Variants in CDH8 observed in about 807,000 individuals in gnomAD.
CDH8 encodes cadherin-8.
A neutral mutation model predicts 68.1 loss-of-function variants in CDH8; 17 were observed. That is an observed-to-expected ratio of 0.25 (90% CI 0.17 to 0.37). CDH8 has a LOEUF of 0.37. Among genes scored for constraint, CDH8 ranks in the 10% least tolerant of loss-of-function variants. CDH8 has a pLI of 1.00. For synonymous variants in CDH8, 372 were observed against 365.1 expected, an observed-to-expected ratio of 1.02 and a Z score of -0.21; for missense variants, 763 against 999.3, an observed-to-expected ratio of 0.76 and a Z score of 3.19.
chr16:61,859,111 AT>A (rs1231539304), intron 3 of CDH8, among the ~76,000 whole-genome samples: 2 of 152,186 alleles, frequency 1.3e-5, no homozygotes, highest in Non-Finnish European at 2.9e-5. Context: ...TAAAATTGGA[AT>A]TTCTACTCAG....
At chr16:61,660,728 A>T (rs998657450) in intron 10 of CDH8, among the ~76,000 whole-genome samples, 1 of 152,116 alleles carries the variant, frequency 6.6e-6, no homozygotes, top group African/African-American at 2.4e-5. Flanking sequence ...CAAAAATTTC[A>T]TAGAAACAAT....
At chr16:61,846,983 A>G (rs143724714) in intron 4 of CDH8, among the ~76,000 whole-genome samples, 66 of 152,210 alleles carry the variant, frequency 4.3e-4, no homozygotes, top group Non-Finnish European at 5.1e-4. Context: ...TCCCATAGCT[A>G]CTGTTCCCTA....
At position 61,756,078 on chromosome 16, in the gene CDH8, A is replaced by G. The variant is rs992292993; in HGVS notation, c.1415-28863T>C. ...TCAAGTGATCCACCCACCCCAGCCA[A>G]CCAAAGTGCTCAGATTACAGGCATG... is the stretch of plus-strand genomic sequence containing the variant. On this transcript the variant is annotated intron_variant, in intron 8 of 11. Transcript: ENST00000577390. Among the ~76,000 whole-genome samples the G allele has an allele frequency of 3.3e-5, 5 of 152,212 alleles. No individual in the cohort carries two copies. The East Asian group carries it at 7.7e-4, about 24-fold the overall frequency.
At chr16:61,742,771 T>C (rs1959911662) in intron 8 of CDH8, among the ~76,000 whole-genome samples, 3 of 152,180 alleles carry the variant, frequency 2.0e-5, no homozygotes, top group Admixed American at 2.0e-4. Flanking sequence ...TCCTATCTTG[T>C]AAAATTCTCA....
At chr16:61,892,801 A>G (rs1176693997) in intron 3 of CDH8, among the ~76,000 whole-genome samples, 8 of 152,128 alleles carry the variant, frequency 5.3e-5, no homozygotes, top group African/African-American at 1.7e-4. Context: ...GAGGTAGCAA[A>G]TGGAGATAAG....
chr16:61,808,553 A>C (rs1272961641), intron 7 of CDH8, among the ~76,000 whole-genome samples: 3 of 152,182 alleles, frequency 2.0e-5, no homozygotes, highest in Non-Finnish European at 4.4e-5. Context: ...CATGAGTACT[A>C]AGATTCCAAG....
intron 10 of CDH8, among the ~76,000 whole-genome samples, chr16:61,662,087 G>GTTTTTTTTTTTTTTTTT: frequency 2.2e-5 from 2 of 92,790 alleles, no homozygotes; most frequent in African/African-American, 4.0e-5. Context: ...TTTTACTTTA[G>GTTTTTTTTTTTTTTTTT]TTTTTTTTTT....
chr16:61,896,271 T>C (rs1318609519), intron 3 of CDH8, among the ~76,000 whole-genome samples: 2 of 152,238 alleles, frequency 1.3e-5, no homozygotes. Context: ...AAGATATTTC[T>C]AAAATAATTT....
At chr16:62,026,277 T>G (rs1902196262) in intron 1 of CDH8, among the ~76,000 whole-genome samples, 1 of 152,232 alleles carries the variant, frequency 6.6e-6, no homozygotes, top group Non-Finnish European at 1.5e-5. Flanking sequence ...AATATTAACG[T>G]GCATCCAAAT....
intron 7 of CDH8, among the ~76,000 whole-genome samples, chr16:61,814,516 C>T (rs1016210915): frequency 1.3e-5 from 2 of 152,078 alleles, no homozygotes; most frequent in African/African-American, 4.8e-5. Flanking sequence ...GAAATTGAAC[C>T]GCGTGAGAAG....
chr16:61,904,224 A>G lies in CDH8; in HGVS notation c.253-2751T>C, dbSNP rs563520503. On this transcript the variant is annotated intron_variant, in intron 2 of 11. Coordinates refer to ENST00000577390, the MANE Select transcript of CDH8 (RefSeq NM_001796.5). ...CCAGCAATTTACAGAGAGCAACGTC[A>G]CCTGAGGCTGCAGGTCTGGCCCTCC... Among the ~76,000 whole-genome samples, 32 of 152,336 alleles carry G rather than the reference A, an allele frequency of 2.1e-4. No individual in the cohort carries two copies. The Middle Eastern group carries it at 0.017, about 81-fold the overall frequency.
At chr16:61,839,976 C>T (rs1962647975) in intron 4 of CDH8, among the ~76,000 whole-genome samples, 1 of 152,106 alleles carries the variant, frequency 6.6e-6, no homozygotes, top group South Asian at 2.1e-4. Context: ...TTTGCATCTA[C>T]CTTGCCTGCC....
chr16:61,982,003 T>A (rs1205546409), intron 2 of CDH8, among the ~76,000 whole-genome samples: 1 of 152,184 alleles, frequency 6.6e-6, no homozygotes, highest in Non-Finnish European at 1.5e-5. Flanking sequence ...CATTATTCTA[T>A]TTTTATTTGT....
chr16:61,889,484 G>A (rs942037724), intron 3 of CDH8, among the ~76,000 whole-genome samples: 3 of 152,248 alleles, frequency 2.0e-5, no homozygotes, highest in Admixed American at 6.5e-5. Context: ...CTGAGGAAGC[G>A]AGGCATACAC....
intron 8 of CDH8, among the ~76,000 whole-genome samples, chr16:61,773,366 G>T (rs1960826567): frequency 6.6e-6 from 1 of 151,958 alleles, no homozygotes; most frequent in Admixed American, 6.6e-5. Flanking sequence ...ACTTTGCAAA[G>T]CTTAAAGGAG....
chr16:61,867,659 C>T (rs59199437), intron 3 of CDH8, among the ~76,000 whole-genome samples: 3,222 of 152,128 alleles, frequency 0.021, 110 homozygotes, highest in African/African-American at 0.073. Context: ...CAACCCTTTC[C>T]ACCAATTACC....
chr16:61,849,749 T>A (rs12931864), intron 4 of CDH8, among the ~76,000 whole-genome samples: 42,501 of 152,074 alleles, frequency 0.28, 7,523 homozygotes, highest in East Asian at 0.48. Flanking sequence ...CCAGCAGTTT[T>A]AATGAAAACA....
chr16:61,841,805 C>T, intron 4 of CDH8, among the ~76,000 whole-genome samples: 1 of 151,996 alleles, frequency 6.6e-6, no homozygotes, highest in Non-Finnish European at 1.5e-5. Context: ...ACTATGTACC[C>T]ATGAAATTTT....
At chr16:61,719,656 T>C (rs553859979) in intron 9 of CDH8, among the ~76,000 whole-genome samples, 91 of 151,136 alleles carry the variant, frequency 6.0e-4, no homozygotes, top group Non-Finnish European at 2.1e-4. Flanking sequence ...CAATCTTATC[T>C]CTTCTTTACC....
Sources: gnomAD v4.1 joint callset for allele counts (sites outside exome capture counted in the v4.1 genomes callset) on GRCh38, gnomAD v4.1.1 for gene constraint, MANE v1.5 for transcripts, NCBI Gene and HGNC (gene_info 2026-07-23, HGNC 2026-07-21) for gene names.